Variants in SPATA16 observed in about 807,000 individuals in gnomAD.
SPATA16 encodes the protein spermatogenesis-associated protein 16.
Under a neutral mutation model 63.3 loss-of-function variants are expected in SPATA16, and 36 were observed. The observed-to-expected ratio is 0.57, with a 90% confidence interval of 0.44 to 0.75. The LOEUF (loss-of-function observed/expected upper bound fraction) is 0.75, where lower values mean the gene tolerates loss of function less well. Among genes scored for constraint, SPATA16 ranks in the 30% least tolerant of loss-of-function variants. The pLI is 0.00. For synonymous variants in SPATA16, 203 were observed against 216.7 expected, an observed-to-expected ratio of 0.94 and a Z score of 0.56; for missense variants, 646 against 679.3, an observed-to-expected ratio of 0.95 and a Z score of 0.54.
At chr3:172,977,131 C>A in intron 4 of SPATA16, 79 bp from the exon 5 acceptor site, 2 of 1,086,190 alleles carry the variant, frequency 1.8e-6, no homozygotes, top group Non-Finnish European at 2.8e-6. Context: ...GCACTATATA[C>A]AAATACTGAG....
chr3:173,075,000 A>AG (rs1736759918), intron 2 of SPATA16, among the ~76,000 whole-genome samples: 1 of 149,882 alleles, frequency 6.7e-6, no homozygotes, highest in Non-Finnish European at 1.5e-5. Flanking sequence ...CTCAAAAAAA[A>AG]AAAAAAAAAA....
intron 2 of SPATA16, among the ~76,000 whole-genome samples, chr3:173,096,701 C>T (rs1471901969): frequency 1.3e-5 from 2 of 152,018 alleles, no homozygotes; most frequent in African/African-American, 4.8e-5. Flanking sequence ...AATATGCAAC[C>T]TCTTTCATTT....
At chr3:173,003,899 A>T (rs913053257) in intron 4 of SPATA16, among the ~76,000 whole-genome samples, 1 of 152,210 alleles carries the variant, frequency 6.6e-6, no homozygotes, top group Non-Finnish European at 1.5e-5. Flanking sequence ...AGTATATATT[A>T]TCTCTAGATA....
chr3:172,925,430 A>G lies in SPATA16; in HGVS notation c.1144T>C (p.Tyr382His). Residue 382 changes from tyrosine (Y) to histidine (H), a missense_variant, in exon 7 of 11, where the codon TAT becomes CAT. By Grantham distance (83) the Tyr-to-His change is moderately conservative (BLOSUM62 2). Transcript: ENST00000351008. ...TTTTTGAACCCAAGAGTCAAGAGATATTGTTGGGGAGGAAAAGATGACCAG... is the reference window on the plus strand; with the variant it reads ...TTTTTGAACCCAAGAGTCAAGAGATGTTGTTGGGGAGGAAAAGATGACCAG... The part of the protein sequence containing the change: ...VDWSSFPPQQ[Y>H]LLTLGFKNKD... 4.3e-6 allele frequency: 7 copies of G among 1,614,082 alleles called. No homozygotes were observed. Among genetic ancestry groups the G allele is most frequent in the Non-Finnish European group, 5.9e-6 (7 of 1,179,970 alleles).
At chr3:173,103,835 A>G (rs942960007) in intron 2 of SPATA16, among the ~76,000 whole-genome samples, 1 of 152,180 alleles carries the variant, frequency 6.6e-6, no homozygotes, top group African/African-American at 2.4e-5. Context: ...TTTCCTGACA[A>G]TGCTTTTTCT....
At chr3:173,008,653 G>A (rs1345959323) in intron 4 of SPATA16, among the ~76,000 whole-genome samples, 2 of 152,024 alleles carry the variant, frequency 1.3e-5, no homozygotes, top group African/African-American at 4.8e-5. Flanking sequence ...TAGCCAAAGG[G>A]TCTAGAAGCA....
At chr3:172,916,202 T>G in intron 9 of SPATA16, 115 bp downstream of exon 9, 1 of 1,279,838 alleles carries the variant, frequency 7.8e-7, no homozygotes, top group Non-Finnish European at 1.1e-6. Flanking sequence ...TTTGGGAGTT[T>G]GCCCTCAGGC....
intron 6 of SPATA16, among the ~76,000 whole-genome samples, chr3:172,930,771 C>G (rs1732853699): frequency 6.6e-6 from 1 of 151,946 alleles, no homozygotes; most frequent in African/African-American, 2.4e-5. Flanking sequence ...CCAGGATGGT[C>G]TCCATCTCCT....
chr3:173,088,558 C>T (rs1022480076), intron 2 of SPATA16, among the ~76,000 whole-genome samples: 2 of 151,952 alleles, frequency 1.3e-5, no homozygotes, highest in African/African-American at 4.8e-5. Flanking sequence ...TTTGTATATA[C>T]ATAAATGTAT....
At chr3:172,972,988 T>C (rs914603280) in intron 5 of SPATA16, among the ~76,000 whole-genome samples, 3 of 152,226 alleles carry the variant, frequency 2.0e-5, no homozygotes, top group Non-Finnish European at 4.4e-5. Flanking sequence ...TGTTGATTCA[T>C]GCTGACCCAT....
At chr3:172,955,874 G>C (rs919891761) in intron 6 of SPATA16, among the ~76,000 whole-genome samples, 1 of 152,104 alleles carries the variant, frequency 6.6e-6, no homozygotes, top group Non-Finnish European at 1.5e-5. Flanking sequence ...AATGAATGTA[G>C]AGTGTCTGGC....
chr3:172,912,517 G>A (rs1261105721), intron 10 of SPATA16, among the ~76,000 whole-genome samples: 1 of 151,698 alleles, frequency 6.6e-6, no homozygotes, highest in East Asian at 1.9e-4. Flanking sequence ...CCATTTATAG[G>A]CATATTTTCT....
chr3:172,934,637 A>T (rs1732939894), intron 6 of SPATA16, among the ~76,000 whole-genome samples: 1 of 152,172 alleles, frequency 6.6e-6, no homozygotes. Context: ...TATTAATGAT[A>T]ATTTAAAAAC....
chr3:172,900,307 A>C (rs1732102487), intron 10 of SPATA16, among the ~76,000 whole-genome samples: 1 of 152,186 alleles, frequency 6.6e-6, no homozygotes, highest in African/African-American at 2.4e-5. Flanking sequence ...CATATAGATA[A>C]TGCATCATTT....
chr3:172,900,583 CT>C (rs1018446355), intron 10 of SPATA16, among the ~76,000 whole-genome samples: 2 of 151,414 alleles, frequency 1.3e-5, no homozygotes, highest in African/African-American at 2.4e-5. Flanking sequence ...ATCCCAGAGC[CT>C]TTTTTTTACA....
intron 4 of SPATA16, among the ~76,000 whole-genome samples, chr3:172,981,113 A>G (rs1359263119): frequency 6.6e-6 from 1 of 151,916 alleles, no homozygotes; most frequent in African/African-American, 2.4e-5. Context: ...ACACTCTCCC[A>G]CTTGGCTTCC....
intron 2 of SPATA16, among the ~76,000 whole-genome samples, chr3:173,063,108 C>CCATGT (rs1480787604): frequency 6.6e-6 from 1 of 152,158 alleles, no homozygotes; most frequent in Non-Finnish European, 1.5e-5. Context: ...ACCAATTTAT[C>CCATGT]CATGTCTATA....
At chr3:172,973,538 A>G (rs1251079789) in intron 5 of SPATA16, among the ~76,000 whole-genome samples, 2 of 152,164 alleles carry the variant, frequency 1.3e-5, no homozygotes, top group African/African-American at 2.4e-5. Flanking sequence ...CATGAGTTAA[A>G]GACACACACA....
At chr3:173,012,919 G>A (rs1465098498) in intron 4 of SPATA16, among the ~76,000 whole-genome samples, 1 of 152,144 alleles carries the variant, frequency 6.6e-6, no homozygotes, top group African/African-American at 2.4e-5. Flanking sequence ...TTGACAAGGA[G>A]GGCCTAATTA....
Sources: allele counts gnomAD v4.1 joint callset (sites outside exome capture counted in the v4.1 genomes callset), GRCh38; gene constraint gnomAD v4.1.1; transcripts MANE v1.5; gene names NCBI Gene and HGNC (gene_info 2026-07-23, HGNC 2026-07-21).